Variants in FRMD4A observed in about 807,000 individuals in gnomAD.
The protein encoded by FRMD4A is FERM domain containing 4A, also known as FERM domain-containing protein 4A.
In FRMD4A, 29 loss-of-function variants were observed where a neutral mutation model predicts 129.1. That is an observed-to-expected ratio of 0.22 (90% CI 0.17 to 0.31). FRMD4A has a LOEUF of 0.31. Ranked by LOEUF, FRMD4A falls within the 10% of genes least tolerant of loss-of-function variation. The pLI, the probability that FRMD4A is intolerant of heterozygous loss-of-function variation, is 1.00. For synonymous variants in FRMD4A, 634 were observed against 571.6 expected, an observed-to-expected ratio of 1.11 and a Z score of -1.56; for missense variants, 1,272 against 1,375.8, an observed-to-expected ratio of 0.92 and a Z score of 1.19.
chr10:13,688,411 G>C (rs1211309491), intron 15 of FRMD4A, among the ~76,000 whole-genome samples: 1 of 152,048 alleles, frequency 6.6e-6, no homozygotes, highest in Non-Finnish European at 1.5e-5. Context: ...GGGGACAGGG[G>C]GAGGGATAGC....
intron 2 of FRMD4A, among the ~76,000 whole-genome samples, chr10:14,174,357 A>T (rs995406034): frequency 6.6e-6 from 1 of 151,956 alleles, no homozygotes; most frequent in East Asian, 1.9e-4. Flanking sequence ...TACCCTGCTC[A>T]CTTGACAAAT....
chr10:14,159,316 T>C (rs535313568), intron 2 of FRMD4A, among the ~76,000 whole-genome samples: 5 of 152,306 alleles, frequency 3.3e-5, no homozygotes, highest in South Asian at 4.1e-4. Flanking sequence ...CATTTCTATA[T>C]GCCAATAATG....
chr10:14,201,365 T>C (rs1249778966), intron 2 of FRMD4A, among the ~76,000 whole-genome samples: 1 of 152,126 alleles, frequency 6.6e-6, no homozygotes, highest in Non-Finnish European at 1.5e-5. Flanking sequence ...GTCGGTTCCA[T>C]CTCCTGACTG....
chr10:14,204,763 C>T (rs570754331), intron 2 of FRMD4A, among the ~76,000 whole-genome samples: 1 of 152,280 alleles, frequency 6.6e-6, no homozygotes, highest in East Asian at 1.9e-4. Flanking sequence ...AAGCATCTCC[C>T]TCACATCTGC....
At chr10:13,889,436 A>T (rs531622987) in intron 2 of FRMD4A, among the ~76,000 whole-genome samples, 5 of 152,308 alleles carry the variant, frequency 3.3e-5, no homozygotes, top group Admixed American at 1.3e-4. Flanking sequence ...AGCTGTGCAC[A>T]TCTGGGATGC....
intron 3 of FRMD4A, among the ~76,000 whole-genome samples, chr10:13,835,612 G>A (rs761393946): frequency 1.3e-5 from 2 of 152,090 alleles, no homozygotes; most frequent in East Asian, 3.9e-4. Context: ...CTGTGCATGC[G>A]AGCTATCTGG....
chr10:14,273,857 A>T (rs1000605687), intron 2 of FRMD4A, among the ~76,000 whole-genome samples: 1 of 152,220 alleles, frequency 6.6e-6, no homozygotes, highest in African/African-American at 2.4e-5. Flanking sequence ...TAGTCAATCA[A>T]CAAACACTTT....
intron 2 of FRMD4A, among the ~76,000 whole-genome samples, chr10:14,150,971 C>T (rs997619190): frequency 6.6e-6 from 1 of 152,142 alleles, no homozygotes; most frequent in Non-Finnish European, 1.5e-5. Context: ...TATCTAATAA[C>T]CTAAGCATTG....
At chr10:14,121,035 C>T (rs1838481285) in intron 2 of FRMD4A, among the ~76,000 whole-genome samples, 1 of 152,132 alleles carries the variant, frequency 6.6e-6, no homozygotes, top group Non-Finnish European at 1.5e-5. Context: ...GTACTTTATC[C>T]CTGTAATGTA....
At chr10:14,129,401 TATATATA>T (rs1839115581) in intron 2 of FRMD4A, among the ~76,000 whole-genome samples, 1 of 133,068 alleles carries the variant, frequency 7.5e-6, no homozygotes, top group African/African-American at 3.1e-5. Flanking sequence ...TATATATATA[TATATATA>T]AAAAATATGA....
In FRMD4A at chr10:13,663,327, G is replaced by A. The variant is rs2082781055; in HGVS notation, c.1660+126C>T. 1 of 649,632 alleles carries A rather than the reference G, an allele frequency of 1.5e-6. No homozygotes were observed. Among genetic ancestry groups the A allele is most frequent in the Non-Finnish European group, 2.8e-6 (1 of 358,538 alleles). 40.2% of individuals were successfully genotyped at this position (649,632 alleles called of 1,614,324 possible). Reference sequence around the variant, plus strand: ...TGAATACTGGGAAATGAGAGAGCTTGCAGGGAGCCCAGCTGCCTTTTGGCC... The same window carrying A: ...TGAATACTGGGAAATGAGAGAGCTTACAGGGAGCCCAGCTGCCTTTTGGCC... On this transcript the variant is annotated intron_variant, in intron 19 of 24. Coordinates refer to ENST00000357447, the MANE Select transcript of FRMD4A (RefSeq NM_018027.5).
chr10:13,700,926 TA>T (rs1464412571), intron 14 of FRMD4A, among the ~76,000 whole-genome samples: 1 of 136,608 alleles, frequency 7.3e-6, no homozygotes, highest in Non-Finnish European at 1.5e-5. Flanking sequence ...GCAATTACCC[TA>T]AACAGTTAGG....
In FRMD4A at chr10:14,088,892, G is replaced by A. The variant is rs574779283; in HGVS notation, c.46-229980C>T. ...GGTCCATAAAGAGGCAGTCACGGTC[G>A]GGGCTCACACAGCTAAGGTGTGGAG... On this transcript the variant is annotated intron_variant, in intron 2 of 24. Transcript: ENST00000357447. 1.2e-4 allele frequency among the ~76,000 whole-genome samples: 18 copies of A among 152,210 alleles called. No individual in the cohort carries two copies. The East Asian group carries it at 2.9e-3, about 24-fold the overall frequency.
At chr10:13,648,515 C>CA (rs1000500215) in intron 24 of FRMD4A, 8 of 152,220 alleles carry the variant, frequency 5.3e-5, no homozygotes, top group African/African-American at 1.9e-4. Flanking sequence ...ACAAGGAACC[C>CA]AACGGGGCCG....
intron 2 of FRMD4A, among the ~76,000 whole-genome samples, chr10:14,080,553 C>A (rs1835871830): frequency 6.6e-6 from 1 of 152,054 alleles, no homozygotes; most frequent in Admixed American, 6.6e-5. Context: ...GATGATTGAG[C>A]CTCTTCTGGG....
chr10:13,978,662 G>C (rs2095550347), intron 2 of FRMD4A, among the ~76,000 whole-genome samples: 1 of 152,166 alleles, frequency 6.6e-6, no homozygotes. Context: ...AAACGTCCCA[G>C]CTCCAACCAA....
chr10:13,815,114 C>T (rs2093520389), intron 3 of FRMD4A, among the ~76,000 whole-genome samples: 1 of 152,144 alleles, frequency 6.6e-6, no homozygotes, highest in African/African-American at 2.4e-5. Flanking sequence ...TAGAGATTAT[C>T]ATTCTTTTGC....
chr10:13,961,960 A>C (rs1361938159), intron 2 of FRMD4A, among the ~76,000 whole-genome samples: 1 of 152,258 alleles, frequency 6.6e-6, no homozygotes, highest in South Asian at 2.1e-4. Context: ...TTACCATTCT[A>C]CCTCCAGAAC....
chr10:13,867,854 AATAT>A (rs1458496089), intron 2 of FRMD4A, among the ~76,000 whole-genome samples: 317 of 140,062 alleles, frequency 2.3e-3, no homozygotes, highest in African/African-American at 7.8e-3. Flanking sequence ...TACATAATAT[AATAT>A]ATAATGTAAT....
Sources: allele counts gnomAD v4.1 joint callset (sites outside exome capture counted in the v4.1 genomes callset), GRCh38; gene constraint gnomAD v4.1.1; transcripts MANE v1.5; gene names NCBI Gene and HGNC (gene_info 2026-07-23, HGNC 2026-07-21).